The following GALNT2 variants were observed in gnomAD, a reference collection of about 807,000 sequenced individuals.
GALNT2 encodes the protein UDP-GalNAc:polypeptide N-acetylgalactosaminyltransferase 2.
Under a neutral mutation model 81.4 loss-of-function variants are expected in GALNT2, and 31 were observed. That is an observed-to-expected ratio of 0.38 (90% CI 0.29 to 0.51). GALNT2 has a LOEUF of 0.51. Among genes scored for constraint, GALNT2 ranks in the 20% least tolerant of loss-of-function variants. GALNT2 has a pLI of 0.87. For missense variants in GALNT2, 629 were observed against 765.7 expected (o/e 0.82, Z 2.11); for synonymous variants, 303 against 287.4 (o/e 1.05, Z -0.55).
rs145123526 is a variant in GALNT2, at chr1:230,142,477, A to G, written c.127-35741A>G. On this transcript the variant is annotated intron_variant, in intron 1 of 15. Transcript: ENST00000366672. ...AGCTGATCACTCTTGATCTGGGGCA[A>G]GTAACTTAACCTCTGTGTGCCTCTG... is the stretch of plus-strand genomic sequence containing the variant. 4.1e-3 allele frequency among the ~76,000 whole-genome samples: 628 copies of G among 152,320 alleles called. 1 individual carries two copies. Among genetic ancestry groups the G allele is most frequent in the African/African-American group, 0.014 (598 of 41,570 alleles).
chr1:230,081,982 C>T (rs945393966), intron 1 of GALNT2, among the ~76,000 whole-genome samples: 1 of 152,212 alleles, frequency 6.6e-6, no homozygotes, highest in Admixed American at 6.5e-5. Context: ...TTTGTGCTTG[C>T]TCTCCCTTCC....
intron 9 of GALNT2, 46 bp downstream of exon 9, chr1:230,249,317 A>C: frequency 6.4e-7 from 1 of 1,563,106 alleles, no homozygotes. Context: ...ATGAGACCCC[A>C]GGTTCCAGCT....
intron 1 of GALNT2, among the ~76,000 whole-genome samples, chr1:230,097,052 AAAG>A (rs1261804379): frequency 6.6e-6 from 1 of 152,164 alleles, no homozygotes; most frequent in African/African-American, 2.4e-5. Flanking sequence ...CGGTGACAAA[AAAG>A]AGAAATGTCG....
intron 3 of GALNT2, among the ~76,000 whole-genome samples, chr1:230,213,307 A>G (rs1313850960): frequency 6.6e-6 from 1 of 152,224 alleles, no homozygotes; most frequent in African/African-American, 2.4e-5. Context: ...CATTTACAAC[A>G]GAGCTCTGTT....
chr1:230,235,247 T>C (rs1284515319), intron 3 of GALNT2, among the ~76,000 whole-genome samples: 1 of 150,698 alleles, frequency 6.6e-6, no homozygotes, highest in Non-Finnish European at 1.5e-5. Flanking sequence ...AGCTACTTAC[T>C]GTTCTTCTAG....
At chr1:230,209,502 G>A (rs1039064065) in intron 3 of GALNT2, among the ~76,000 whole-genome samples, 3 of 152,294 alleles carry the variant, frequency 2.0e-5, no homozygotes, top group African/African-American at 7.2e-5. Flanking sequence ...CAGATCTGCT[G>A]GTACCTTGAG....
At chr1:230,178,703 C>G (rs916869261) in intron 2 of GALNT2, among the ~76,000 whole-genome samples, 13 of 152,068 alleles carry the variant, frequency 8.5e-5, no homozygotes, top group Admixed American at 2.6e-4. Flanking sequence ...ATACAACCTC[C>G]TCCATTGTCA....
At chr1:230,256,335 A>G (rs1470879540) in intron 11 of GALNT2, among the ~76,000 whole-genome samples, 1 of 151,770 alleles carries the variant, frequency 6.6e-6, no homozygotes, top group Non-Finnish European at 1.5e-5. Flanking sequence ...AATCCCAGCT[A>G]CTCGGGAGGC....
chr1:230,123,992 G>A (rs548689901), intron 1 of GALNT2, among the ~76,000 whole-genome samples: 5 of 152,306 alleles, frequency 3.3e-5, no homozygotes, highest in Admixed American at 2.0e-4. Flanking sequence ...AGCTTCAAAC[G>A]TACAGCTTTG....
chr1:230,164,928 C>A (rs1662553980), intron 1 of GALNT2, among the ~76,000 whole-genome samples: 1 of 152,126 alleles, frequency 6.6e-6, no homozygotes, highest in South Asian at 2.1e-4. Context: ...TCAGCTCACA[C>A]CTGTTTCTAG....
In GALNT2 at chr1:230,184,223, C is replaced by G. The variant is rs140957919; in HGVS notation, c.220+5912C>G. Among the ~76,000 whole-genome samples the G allele has an allele frequency of 3.2e-3, 472 of 148,396 alleles. 3 individuals carry two copies. The highest frequency in any genetic ancestry group is 0.011 in the African/African-American group (454 of 39,962). On this transcript the variant is annotated intron_variant, in intron 2 of 15. Coordinates refer to ENST00000366672, the MANE Select transcript of GALNT2 (RefSeq NM_004481.5). ...TTTTTTTTTGCGACAGAGTCTCGCT[C>G]TATTACCCAGGCTAGAGTGCAGTGG... is the stretch of plus-strand genomic sequence containing the variant.
At chr1:230,064,157 G>C (rs1201198449), upstream of GALNT2, among the ~76,000 whole-genome samples, 3 of 151,800 alleles carry the variant, frequency 2.0e-5, no homozygotes, top group African/African-American at 7.3e-5. Context: ...TTAACATCTG[G>C]TCTGTCTGTT....
rs543851476 is a variant in GALNT2 at position 230,170,695 on chromosome 1, C to A, written c.127-7523C>A. Among the ~76,000 whole-genome samples the A allele has an allele frequency of 1.1e-4, 17 of 152,310 alleles. No individual in the cohort carries two copies. In the East Asian group the frequency reaches 2.7e-3, roughly 24 times the overall value. On this transcript the variant is annotated intron_variant, in intron 1 of 15. Transcript: ENST00000366672. The stretch of plus-strand genomic sequence containing the variant: ...CAACAGAATCTGCTTCTGGTGAGGA[C>A]TTCAGGAAACTTTTCATCATGGTAG...
chr1:230,106,451 G>A (rs1200718590), intron 1 of GALNT2, among the ~76,000 whole-genome samples: 5 of 152,164 alleles, frequency 3.3e-5, no homozygotes, highest in African/African-American at 9.7e-5. Context: ...CCACTGACCC[G>A]GAAACCCAGC....
At chr1:230,206,020 A>T (rs1427603324) in intron 3 of GALNT2, among the ~76,000 whole-genome samples, 3 of 152,232 alleles carry the variant, frequency 2.0e-5, no homozygotes, top group Non-Finnish European at 4.4e-5. Context: ...GTCTAGCAGA[A>T]TCTAGTGCAG....
intron 1 of GALNT2, among the ~76,000 whole-genome samples, chr1:230,102,592 T>C (rs1041186018): frequency 6.6e-6 from 1 of 152,144 alleles, no homozygotes; most frequent in African/African-American, 2.4e-5. Context: ...TGTTTACAAA[T>C]GGTGGTTGGA....
intron 1 of GALNT2, among the ~76,000 whole-genome samples, chr1:230,081,651 T>A (rs1312117715): frequency 6.6e-6 from 1 of 152,208 alleles, no homozygotes; most frequent in Non-Finnish European, 1.5e-5. Context: ...GAGGACTAGT[T>A]CTGTCAATTA....
chr1:230,094,914 A>G (rs1237906736), intron 1 of GALNT2, among the ~76,000 whole-genome samples: 2 of 152,114 alleles, frequency 1.3e-5, no homozygotes, highest in African/African-American at 4.8e-5. Context: ...TCCCTGTGTT[A>G]GATGTGCCGT....
At chr1:230,163,424 C>T (rs937544879) in intron 1 of GALNT2, among the ~76,000 whole-genome samples, 1 of 152,224 alleles carries the variant, frequency 6.6e-6, no homozygotes, top group South Asian at 2.1e-4. Flanking sequence ...ATCTCTCATG[C>T]TTTAGCGTTT....
Sources: allele counts gnomAD v4.1 joint callset (sites outside exome capture counted in the v4.1 genomes callset), GRCh38; gene constraint gnomAD v4.1.1; transcripts MANE v1.5; gene names NCBI Gene and HGNC (gene_info 2026-07-23, HGNC 2026-07-21).